Variants in FAM81A observed in about 807,000 individuals in gnomAD.
FAM81A encodes protein FAM81A.
FAM81A carries 19 observed loss-of-function variants against 46.7 expected under a neutral mutation model. That is an observed-to-expected ratio of 0.41 (90% CI 0.28 to 0.60). FAM81A has a LOEUF of 0.60. FAM81A is among the 20% of genes least tolerant of loss of function. FAM81A has a pLI of 0.34. For missense variants in FAM81A, 377 were observed against 453.5 expected (o/e 0.83, Z 1.53); for synonymous variants, 183 against 152.9 (o/e 1.20, Z -1.45).
At chr15:59,494,028 C>A (rs1422571417) in intron 4 of FAM81A, among the ~76,000 whole-genome samples, 1 of 152,202 alleles carries the variant, frequency 6.6e-6, no homozygotes, top group African/African-American at 2.4e-5. Context: ...ATGTCTTCCT[C>A]ACTCTGCTAC....
At chr15:59,507,375 G>A in intron 5 of FAM81A, 33 bp downstream of exon 5, 2 of 1,603,060 alleles carry the variant, frequency 1.2e-6, no homozygotes, top group Admixed American at 1.7e-5. Flanking sequence ...TTTAGAAGCG[G>A]GTAATTTGTT....
chr15:59,499,723 A>C (rs1463684495), intron 4 of FAM81A, among the ~76,000 whole-genome samples: 1 of 152,126 alleles, frequency 6.6e-6, no homozygotes, highest in Non-Finnish European at 1.5e-5. Context: ...TAGCGCCATG[A>C]ATATGTCATC....
At chr15:59,428,168 C>A (rs150423726) in intron 2 of FAM81A, among the ~76,000 whole-genome samples, 21 of 152,258 alleles carry the variant, frequency 1.4e-4, no homozygotes, top group African/African-American at 4.8e-4. Flanking sequence ...TGTTGAGCAC[C>A]TTTTCATACA....
intron 3 of FAM81A, among the ~76,000 whole-genome samples, chr15:59,478,818 A>C (rs2081807802): frequency 6.6e-6 from 1 of 152,222 alleles, no homozygotes; most frequent in Admixed American, 6.5e-5. Flanking sequence ...TCTCCAGTAC[A>C]TTTTAGCTTG....
intron 2 of FAM81A, among the ~76,000 whole-genome samples, chr15:59,414,497 T>G (rs1289377429): frequency 6.6e-6 from 1 of 152,124 alleles, no homozygotes; most frequent in African/African-American, 2.4e-5. Flanking sequence ...GGAGGAGGTA[T>G]GTAGGCAATT....
chr15:59,493,372 T>C lies in FAM81A; in HGVS notation c.413+983T>C, dbSNP rs536274297. The stretch of plus-strand genomic sequence containing the variant: ...ATGGGGAACAGGTTGATCACTCTCC[T>C]TCTGTGATTTTCTGTCCTCATCAGG... On this transcript the variant is annotated intron_variant, in intron 4 of 8. Coordinates refer to ENST00000288228, the MANE Select transcript of FAM81A (RefSeq NM_152450.3). Among the ~76,000 whole-genome samples, 34 of 152,252 alleles carry C rather than the reference T, an allele frequency of 2.2e-4. No homozygotes were observed. The South Asian group carries it at 5.2e-3, about 23-fold the overall frequency.
At chr15:59,398,658 T>C (rs2081057127) in intron 1 of FAM81A, among the ~76,000 whole-genome samples, 1 of 144,668 alleles carries the variant, frequency 6.9e-6, no homozygotes, top group Non-Finnish European at 1.5e-5. Flanking sequence ...TTCAGGAGGC[T>C]GAGGCAAGAG....
chr15:59,512,835 G>A (rs1373087149), intron 6 of FAM81A, among the ~76,000 whole-genome samples: 8 of 152,340 alleles, frequency 5.3e-5, no homozygotes, highest in Middle Eastern at 3.4e-3. Context: ...GTCCAGGGCA[G>A]AAGCTTTGTT....
chr15:59,484,739 G>A (rs2081896636), intron 3 of FAM81A, among the ~76,000 whole-genome samples: 1 of 152,198 alleles, frequency 6.6e-6, no homozygotes. Context: ...GAGAAAAGCA[G>A]AGGGAAAAGT....
At position 59,403,970 on chromosome 15, in the gene FAM81A, G is replaced by A. The variant is rs149080466; in HGVS notation, c.-78+1612G>A. Among the ~76,000 whole-genome samples the A allele has an allele frequency of 1.3e-3, 188 of 149,682 alleles. 1 individual carries two copies. The East Asian group carries it at 0.034, about 27-fold the overall frequency. The stretch of plus-strand genomic sequence containing the variant: ...GTGATCTCGGCTCACTGCAACCTCT[G>A]CCTCCTGGGTTCAAGCGATTCTCCT... On this transcript the variant is annotated intron_variant, in intron 2 of 4. Transcript: ENST00000558348.
upstream of FAM81A, among the ~76,000 whole-genome samples, chr15:59,434,837 C>T (rs2081236081): frequency 1.3e-5 from 2 of 152,124 alleles, no homozygotes; most frequent in African/African-American, 4.8e-5. Context: ...TTCCAGCCTT[C>T]TTATAAACAC....
At chr15:59,502,338 C>G (rs1015670451) in intron 4 of FAM81A, among the ~76,000 whole-genome samples, 5 of 151,504 alleles carry the variant, frequency 3.3e-5, no homozygotes, top group East Asian at 3.8e-4. Flanking sequence ...CCCGCTCCCC[C>G]CCCAACAACA....
intron 4 of FAM81A, among the ~76,000 whole-genome samples, chr15:59,505,841 T>G (rs537738940): frequency 1.3e-5 from 2 of 152,216 alleles, no homozygotes; most frequent in Admixed American, 1.3e-4. Context: ...TTAAGAATGA[T>G]CCATTTATGT....
chr15:59,423,945 C>T, intron 2 of FAM81A, among the ~76,000 whole-genome samples: 1 of 152,214 alleles, frequency 6.6e-6, no homozygotes, highest in Non-Finnish European at 1.5e-5. Context: ...GACCCCACAT[C>T]ATTTCTTTCT....
At chr15:59,437,318 T>C (rs1219444160), upstream of FAM81A, among the ~76,000 whole-genome samples, 1 of 151,128 alleles carries the variant, frequency 6.6e-6, no homozygotes, top group Non-Finnish European at 1.5e-5. Flanking sequence ...AGTACCAGTA[T>C]CTGCGAAGGA....
chr15:59,465,942 G>A (rs578254009), intron 3 of FAM81A, among the ~76,000 whole-genome samples: 84 of 152,206 alleles, frequency 5.5e-4, no homozygotes, highest in African/African-American at 1.8e-3. Flanking sequence ...GAGAACATGC[G>A]GTGTTTGGTT....
At chr15:59,515,540 C>T (rs770385195) in intron 7 of FAM81A, among the ~76,000 whole-genome samples, 7 of 152,142 alleles carry the variant, frequency 4.6e-5, no homozygotes, top group Non-Finnish European at 7.4e-5. Flanking sequence ...TTGGAGTTTG[C>T]AGTCTTGGCC....
chr15:59,431,003 AATAAT>A (rs1213701813), intron 2 of FAM81A, among the ~76,000 whole-genome samples: 1 of 152,322 alleles, frequency 6.6e-6, no homozygotes, highest in East Asian at 1.9e-4. Flanking sequence ...AAACATAATA[AATAAT>A]ATAAATAATA....
upstream of FAM81A, among the ~76,000 whole-genome samples, chr15:59,434,016 C>T (rs569930399): frequency 2.0e-5 from 3 of 152,208 alleles, no homozygotes; most frequent in East Asian, 1.9e-4. Context: ...CCACCATGCC[C>T]GGCTAGCTTT....
Sources: gnomAD v4.1 joint callset for allele counts (sites outside exome capture counted in the v4.1 genomes callset) on GRCh38, gnomAD v4.1.1 for gene constraint, MANE v1.5 for transcripts, NCBI Gene and HGNC (gene_info 2026-07-23, HGNC 2026-07-21) for gene names.